WWOX: variants seen among roughly 807,000 people sequenced by gnomAD.
The protein encoded by WWOX is WW domain-containing oxidoreductase.
A neutral mutation model predicts 46.2 loss-of-function variants in WWOX; 69 were observed. That is an observed-to-expected ratio of 1.49 (90% confidence interval 1.23 to 1.82). WWOX has a LOEUF of 1.82. WWOX is among the 40% of genes most tolerant of loss of function. The pLI is 0.00. For missense variants in WWOX, 919 were observed against 542.6 expected, an observed-to-expected ratio of 1.69 and a Z score of -6.89; for synonymous variants, 359 against 202.6, an observed-to-expected ratio of 1.77 and a Z score of -6.56.
At chr16:78,380,288 G>A (rs553101487) in intron 5 of WWOX, among the ~76,000 whole-genome samples, 2 of 152,320 alleles carry the variant, frequency 1.3e-5, no homozygotes, top group South Asian at 4.1e-4. Context: ...AATAGCAATT[G>A]AAATCTTGCG....
chr16:79,133,244 C>A (rs1567572547), intron 8 of WWOX, among the ~76,000 whole-genome samples: 1 of 152,198 alleles, frequency 6.6e-6, no homozygotes, highest in Non-Finnish European at 1.5e-5. Context: ...GTTCCTCCTG[C>A]CCTTCATCTT....
intron 5 of WWOX, among the ~76,000 whole-genome samples, chr16:78,166,326 G>A (rs924002594): frequency 2.0e-5 from 3 of 152,060 alleles, no homozygotes; most frequent in Non-Finnish European, 2.9e-5. Context: ...TTTGCTATTT[G>A]TTATTCCAAG....
intron 8 of WWOX, among the ~76,000 whole-genome samples, chr16:78,593,669 C>A (rs972625575): frequency 2.0e-5 from 3 of 151,814 alleles, no homozygotes; most frequent in Non-Finnish European, 2.9e-5. Flanking sequence ...AGCTGGTGAT[C>A]CTGCTGCTTG....
intron 5 of WWOX, chr16:78,266,026 A>G (rs574595785): frequency 3.5e-4 from 53 of 152,354 alleles, no homozygotes; most frequent in African/African-American, 1.3e-3. Context: ...GGGGCAGAGC[A>G]TGGGCTGAAC....
intron 8 of WWOX, chr16:78,897,403 C>T (rs1190335596): frequency 1.3e-5 from 2 of 152,066 alleles, no homozygotes; most frequent in Non-Finnish European, 2.9e-5. Flanking sequence ...TCTAGAACTT[C>T]ATTTAATAGA....
intron 8 of WWOX, among the ~76,000 whole-genome samples, chr16:78,460,123 C>G (rs1329513935): frequency 6.6e-6 from 1 of 151,600 alleles, no homozygotes; most frequent in South Asian, 2.1e-4. Flanking sequence ...ATGCCTTCCC[C>G]TCCCCTTCCC....
intron 4 of WWOX, among the ~76,000 whole-genome samples, chr16:78,157,729 G>A (rs1185411061): frequency 6.6e-6 from 1 of 152,216 alleles, no homozygotes; most frequent in Non-Finnish European, 1.5e-5. Flanking sequence ...ACGGAATGGT[G>A]GAGCCCGAGG....
chr16:78,725,262 A>G (rs1292771348), intron 8 of WWOX, among the ~76,000 whole-genome samples: 1 of 150,386 alleles, frequency 6.6e-6, no homozygotes, highest in African/African-American at 2.4e-5. Context: ...TGAAATTGTG[A>G]GTCCATTCAA....
rs569978426 is a variant in WWOX at position 78,613,562 on chromosome 16, C to G, written c.1056+180810C>G. On this transcript the variant is annotated intron_variant, in intron 8 of 8. Transcript: ENST00000566780. ...ATGCAAATTATCTGATGGAATTGAC[C>G]CATAGTGGGTGTTCTCCACTGGTTC... is the stretch of plus-strand genomic sequence containing the variant. Among the ~76,000 whole-genome samples the G allele has an allele frequency of 9.6e-4, 146 of 152,234 alleles. 1 individual carries two copies. The highest frequency in any genetic ancestry group is 3.5e-3 in the African/African-American group (144 of 41,526).
intron 8 of WWOX, among the ~76,000 whole-genome samples, chr16:78,657,736 CT>C (rs1311979752): frequency 1.8e-4 from 27 of 152,166 alleles, no homozygotes; most frequent in African/African-American, 5.5e-4. Flanking sequence ...GCGCAAATAA[CT>C]GCTTGAGGCT....
chr16:78,730,888 A>G (rs373956292), intron 8 of WWOX, among the ~76,000 whole-genome samples: 5 of 152,100 alleles, frequency 3.3e-5, no homozygotes, highest in African/African-American at 1.2e-4. Flanking sequence ...GCCACAGGAG[A>G]TGCAGAAACT....
chr16:78,812,234 G>T (rs966443705), intron 8 of WWOX, among the ~76,000 whole-genome samples: 1 of 152,008 alleles, frequency 6.6e-6, no homozygotes, highest in Non-Finnish European at 1.5e-5. Flanking sequence ...AAAGATTGGG[G>T]CATATTTAGG....
chr16:78,558,708 C>G (rs950530506), intron 8 of WWOX, among the ~76,000 whole-genome samples: 2 of 152,238 alleles, frequency 1.3e-5, no homozygotes, highest in African/African-American at 4.8e-5. Flanking sequence ...TGGCCTCTGC[C>G]AGTGTCACTT....
At chr16:79,045,104 T>G (rs1203957001) in intron 8 of WWOX, among the ~76,000 whole-genome samples, 2 of 152,242 alleles carry the variant, frequency 1.3e-5, no homozygotes, top group Non-Finnish European at 2.9e-5. Context: ...CCTCAAATTT[T>G]AGGCATTCGT....
chr16:79,122,837 A>T (rs1443710798), intron 8 of WWOX, among the ~76,000 whole-genome samples: 1 of 152,144 alleles, frequency 6.6e-6, no homozygotes, highest in South Asian at 2.1e-4. Context: ...ATACATCTTC[A>T]TATGCCCATT....
rs570739331 is a variant in WWOX at position 78,624,101 on chromosome 16, T to G, written c.1056+191349T>G. ...TCTTGAATCACATTGACCTAACAGG[T>G]CATATGATTTCCATTTGTTTGCACA... On this transcript the variant is annotated intron_variant, in intron 8 of 8. Coordinates refer to ENST00000566780, the MANE Select transcript of WWOX (RefSeq NM_016373.4). Among the ~76,000 whole-genome samples, 11 of 152,324 alleles carry G rather than the reference T, an allele frequency of 7.2e-5. No individual in the cohort carries two copies. In the South Asian group the frequency reaches 1.7e-3, roughly 23 times the overall value.
At chr16:78,944,599 T>G (rs949889458) in intron 8 of WWOX, among the ~76,000 whole-genome samples, 2 of 152,174 alleles carry the variant, frequency 1.3e-5, no homozygotes, top group Admixed American at 6.5e-5. Context: ...AGTGACTCTT[T>G]CCCAAAGATC....
chr16:78,580,323 C>G (rs1206283850), intron 8 of WWOX, among the ~76,000 whole-genome samples: 1 of 152,140 alleles, frequency 6.6e-6, no homozygotes, highest in Non-Finnish European at 1.5e-5. Context: ...TTGCACCTTC[C>G]TCGGCCTCCC....
At chr16:78,177,666 C>G (rs982459401) in intron 5 of WWOX, among the ~76,000 whole-genome samples, 4 of 152,186 alleles carry the variant, frequency 2.6e-5, no homozygotes, top group Admixed American at 1.3e-4. Context: ...GGATTCCAGT[C>G]TTAGGAGAAT....
Sources: allele counts gnomAD v4.1 joint callset (sites outside exome capture counted in the v4.1 genomes callset), GRCh38; gene constraint gnomAD v4.1.1; transcripts MANE v1.5; gene names NCBI Gene and HGNC (gene_info 2026-07-23, HGNC 2026-07-21).